ERBB4: variants seen among roughly 807,000 people sequenced by gnomAD.
ERBB4 encodes the protein erb-b2 receptor tyrosine kinase 4.
A neutral mutation model predicts 158.0 loss-of-function variants in ERBB4; 42 were observed. The observed-to-expected ratio is 0.27, with a 90% CI of 0.21 to 0.34. The LOEUF (loss-of-function observed/expected upper bound fraction) is 0.34, where lower values mean the gene tolerates loss of function less well. Ranked by LOEUF, ERBB4 falls within the 10% of genes least tolerant of loss-of-function variation. The probability of loss-of-function intolerance (pLI) is 1.00; values close to 1 mark genes in which losing one functional copy is unlikely to be tolerated. For synonymous variants in ERBB4, 583 were observed against 558.7 expected (o/e 1.04, Z -0.61); for missense variants, 1,333 against 1,624.1 (o/e 0.82, Z 3.08).
intron 2 of ERBB4, among the ~76,000 whole-genome samples, chr2:212,103,836 GAAGTA>G (rs916614794): frequency 1.3e-5 from 2 of 151,948 alleles, no homozygotes; most frequent in African/African-American, 4.8e-5. Context: ...TAAGAACTGT[GAAGTA>G]TTGTAAATTC....
intron 1 of ERBB4, among the ~76,000 whole-genome samples, chr2:212,126,675 T>A (rs1046125460): frequency 7.2e-5 from 11 of 152,082 alleles, no homozygotes; most frequent in African/African-American, 2.7e-4. Flanking sequence ...ATACTGAATT[T>A]AAGGCAAGAT....
At chr2:211,620,259 C>A (rs1471181987) in intron 18 of ERBB4, among the ~76,000 whole-genome samples, 1 of 152,032 alleles carries the variant, frequency 6.6e-6, no homozygotes, top group Non-Finnish European at 1.5e-5. Flanking sequence ...GCCCTGACAT[C>A]AGAAAATATT....
intron 2 of ERBB4, among the ~76,000 whole-genome samples, chr2:212,003,113 G>GA (rs201691353): frequency 0.011 from 138 of 12,982 alleles, 6 homozygotes; most frequent in African/African-American, 0.018. Flanking sequence ...AAGAAAGAAA[G>GA]AAGGAAGGAA....
chr2:212,399,536 T>TTATACATATATATA (rs1560213898), intron 1 of ERBB4, among the ~76,000 whole-genome samples: 11 of 20,766 alleles, frequency 5.3e-4, no homozygotes, highest in African/African-American at 1.6e-3. Context: ...GATATATATT[T>TTATACATATATATA]TATATATACA....
At chr2:212,104,839 G>T (rs1308629938) in intron 2 of ERBB4, among the ~76,000 whole-genome samples, 1 of 152,040 alleles carries the variant, frequency 6.6e-6, no homozygotes, top group African/African-American at 2.4e-5. Context: ...GTATACGTTT[G>T]AATTTCTATT....
intron 2 of ERBB4, among the ~76,000 whole-genome samples, chr2:212,086,358 CA>C (rs76096908): frequency 0.03 from 3,790 of 127,770 alleles, 108 homozygotes; most frequent in African/African-American, 0.091. Context: ...TTCTCCCCAC[CA>C]AAAAAAAAAA....
At chr2:211,662,812 A>G (rs1190168633) in intron 15 of ERBB4, among the ~76,000 whole-genome samples, 1 of 152,208 alleles carries the variant, frequency 6.6e-6, no homozygotes, top group African/African-American at 2.4e-5. Flanking sequence ...AAATCATTAA[A>G]CAGTATTCAA....
chr2:212,250,078 A>G (rs1303642974), intron 1 of ERBB4, among the ~76,000 whole-genome samples: 1 of 152,020 alleles, frequency 6.6e-6, no homozygotes, highest in African/African-American at 2.4e-5. Flanking sequence ...TACAATAACT[A>G]ATTAAATTTA....
intron 1 of ERBB4, among the ~76,000 whole-genome samples, chr2:212,254,297 C>T (rs17418160): frequency 0.026 from 3,945 of 152,274 alleles, 70 homozygotes; most frequent in Non-Finnish European, 0.042. Flanking sequence ...TACCAGCCCA[C>T]TCACTAAATA....
rs1242757645 is a variant in ERBB4, at chr2:211,377,675, A to G, written c.*5940T>C. On this transcript the variant is annotated 3_prime_UTR_variant, in exon 28 of 28. Coordinates refer to ENST00000342788, the MANE Select transcript of ERBB4 (RefSeq NM_005235.3). ...TTACAGCAGCTACAAAATATTTACGATTAGGAACCAAATAAGATGAATAAA... is the reference window on the plus strand; with the variant it reads ...TTACAGCAGCTACAAAATATTTACGGTTAGGAACCAAATAAGATGAATAAA... 4.3e-6 allele frequency: 1 copy of G among 232,396 alleles called. No individual in the cohort carries two copies. The highest frequency in any genetic ancestry group is 8.5e-6 in the Non-Finnish European group (1 of 117,600). The allele number at this position is 232,396 out of a possible 1,614,324, so 14.4% of individuals were successfully genotyped here.
chr2:211,822,234 G>A (rs2077011111), intron 3 of ERBB4, among the ~76,000 whole-genome samples: 1 of 151,850 alleles, frequency 6.6e-6, no homozygotes, highest in African/African-American at 2.4e-5. Context: ...CTGTTCTACA[G>A]CACTGTAGGA....
chr2:211,585,735 C>T (rs994539670), intron 19 of ERBB4, among the ~76,000 whole-genome samples: 3 of 151,894 alleles, frequency 2.0e-5, no homozygotes, highest in African/African-American at 7.3e-5. Context: ...AGGTATAATA[C>T]ATTTGTATTA....
At chr2:211,867,643 A>C (rs1244709766) in intron 3 of ERBB4, among the ~76,000 whole-genome samples, 1 of 152,138 alleles carries the variant, frequency 6.6e-6, no homozygotes, top group African/African-American at 2.4e-5. Flanking sequence ...TATATTGCCC[A>C]TGCTGGCCTT....
chr2:211,774,233 C>T (rs752007019), intron 4 of ERBB4, among the ~76,000 whole-genome samples: 17 of 151,846 alleles, frequency 1.1e-4, no homozygotes, highest in Non-Finnish European at 2.2e-4. Context: ...CCATCATGCC[C>T]GACTAATTTT....
chr2:211,915,435 T>TTATATATATATATATA lies in ERBB4; in HGVS notation c.421+31994_421+31995insTATATATATATATATA, dbSNP rs1289522405. 3.8e-3 allele frequency among the ~76,000 whole-genome samples: 509 copies of TTATATATATATATATA among 135,460 alleles called. 1 individual carries two copies. Among genetic ancestry groups the TTATATATATATATATA allele is most frequent in the South Asian group, 5.8e-3 (25 of 4,282 alleles). 88.9% of individuals were successfully genotyped at this position (135,460 alleles called of 152,430 possible). A position where few individuals can be genotyped will look rare whatever the true frequency, so the allele number is the denominator to read the frequency against. On this transcript the variant is annotated intron_variant, in intron 3 of 27. Coordinates refer to ENST00000342788, the MANE Select transcript of ERBB4 (RefSeq NM_005235.3). ...AAGGCAAACTAACAGAGTTCAAACA[T>TTATATATATATATATA]TACATATATATATATATATATCTCC...
Position 212,147,330 on chromosome 2 carries a change from A to G in ERBB4, c.83-22427T>C, listed in dbSNP as rs2080716789. ...TTTACACTTTCAAAAGAAGAATTACAATATTATTGTGAAATAATTGAATTT... is the reference window on the plus strand; with the variant it reads ...TTTACACTTTCAAAAGAAGAATTACGATATTATTGTGAAATAATTGAATTT... On this transcript the variant is annotated intron_variant, in intron 1 of 27. Transcript: ENST00000342788. Among the ~76,000 whole-genome samples, 6 of 151,620 alleles carry G rather than the reference A, an allele frequency of 4.0e-5. No homozygotes were observed. The South Asian group carries it at 1.3e-3, about 32-fold the overall frequency.
chr2:212,144,894 A>G (rs1216856531), intron 1 of ERBB4, among the ~76,000 whole-genome samples: 1 of 152,220 alleles, frequency 6.6e-6, no homozygotes, highest in African/African-American at 2.4e-5. Flanking sequence ...GACTGAATAT[A>G]TCTTAAAACC....
chr2:212,470,856 C>A (rs1300121875), intron 1 of ERBB4, among the ~76,000 whole-genome samples: 1 of 151,936 alleles, frequency 6.6e-6, no homozygotes, highest in Non-Finnish European at 1.5e-5. Context: ...AGGAACATTT[C>A]TTTAAAAAGA....
At chr2:212,110,103 T>C (rs17416172) in intron 2 of ERBB4, among the ~76,000 whole-genome samples, 64,680 of 151,976 alleles carry the variant, frequency 0.43, 15,157 homozygotes, top group Non-Finnish European at 0.54. Context: ...AAAAGACCAA[T>C]TGTGCATAAA....
Sources: allele counts gnomAD v4.1 joint callset (sites outside exome capture counted in the v4.1 genomes callset), GRCh38; gene constraint gnomAD v4.1.1; transcripts MANE v1.5; gene names NCBI Gene and HGNC (gene_info 2026-07-23, HGNC 2026-07-21).